The following EI24 variants were observed in gnomAD, a reference collection of about 807,000 sequenced individuals.
EI24 encodes the protein etoposide-induced protein 2.4 homolog.
Under a neutral mutation model 48.6 loss-of-function variants are expected in EI24, and 21 were observed. That is an observed-to-expected ratio of 0.43 (90% CI 0.31 to 0.62). The LOEUF is 0.62. Among genes scored for constraint, EI24 ranks in the 20% least tolerant of loss-of-function variants. The pLI is 0.10. For missense variants in EI24, 280 were observed against 410.5 expected (o/e 0.68, Z 2.75); for synonymous variants, 114 against 145.5 (o/e 0.78, Z 1.56).
intron 10 of EI24, 137 bp downstream of exon 10, chr11:125,582,557 C>T: frequency 4.5e-6 from 3 of 670,698 alleles, no homozygotes; most frequent in Non-Finnish European, 7.2e-6. Flanking sequence ...GAGAGAGAAA[C>T]ACTTCTGGGA....
At chr11:125,577,747 G>A in intron 5 of EI24, 177 bp downstream of exon 5, 1 of 589,174 alleles carries the variant, frequency 1.7e-6, no homozygotes, top group East Asian at 2.9e-5. Flanking sequence ...GGCCCTTTAA[G>A]AATGGGTACT....
Position 125,584,205 on chromosome 11 carries a change from G to GT in EI24, c.*526dup, listed in dbSNP as rs553159904. 1.3e-3 allele frequency: 145 copies of GT among 111,508 alleles called. 1 individual carries two copies. The highest frequency in any genetic ancestry group is 4.9e-3 in the African/African-American group (140 of 28,734). 6.9% of individuals were successfully genotyped at this position (111,508 alleles called of 1,614,324 possible). On this transcript the variant is annotated 3_prime_UTR_variant, in exon 11 of 11. Transcript: ENST00000278903. ...TCTTGTTTCTTGTAACTCAGGTTAG[G>GT]TTTTGGTCTCTCTTGCTCCACTGCA...
At chr11:125,575,526 T>A (rs1938704695) in intron 3 of EI24, 118 bp downstream of exon 3, 1 of 1,200,366 alleles carries the variant, frequency 8.3e-7, no homozygotes, top group African/African-American at 1.5e-5. Flanking sequence ...ATGTTGCAAG[T>A]GATTTCCCCC....
chr11:125,573,666 T>C (rs78075934), intron 2 of EI24: 9,900 of 155,226 alleles, frequency 0.064, 388 homozygotes, highest in Middle Eastern at 0.13. Flanking sequence ...AAAGACTTTA[T>C]GCATATGATC....
At chr11:125,579,950 C>A (rs1016354848) in intron 7 of EI24, 143 bp from the exon 8 acceptor site, 2 of 691,868 alleles carry the variant, frequency 2.9e-6, no homozygotes, top group Non-Finnish European at 5.2e-6. Flanking sequence ...AGGAATGAGT[C>A]ACTGTGCCCA....
intron 2 of EI24, 82 bp downstream of exon 2, chr11:125,572,651 G>A (rs1938575014): frequency 1.5e-6 from 2 of 1,354,000 alleles, no homozygotes; most frequent in South Asian, 2.5e-5. Context: ...ATCCTTTAGG[G>A]TTTTTGGAAC....
At chr11:125,578,393 T>A in intron 6 of EI24, 136 bp downstream of exon 6, 1 of 1,099,550 alleles carries the variant, frequency 9.1e-7, no homozygotes, top group Non-Finnish European at 1.3e-6. Flanking sequence ...AGGTAGCCAG[T>A]AGCTGATCTT....
In EI24 at chr11:125,583,974, A is replaced by C; in HGVS notation, c.*291A>C. 2.8e-6 allele frequency: 1 copy of C among 354,834 alleles called. No homozygotes were observed. Among genetic ancestry groups the C allele is most frequent in the Non-Finnish European group, 5.2e-6 (1 of 191,504 alleles). 22.0% of individuals were successfully genotyped at this position (354,834 alleles called of 1,614,324 possible). A position where few individuals can be genotyped will look rare whatever the true frequency, so the allele number is the denominator to read the frequency against. On this transcript the variant is annotated 3_prime_UTR_variant, in exon 11 of 11. Coordinates refer to ENST00000278903, the MANE Select transcript of EI24 (RefSeq NM_004879.5). ...TCCCTGTGCCTGGACTGATTGGAAC[A>C]CTTTGTTTTTCTCCCTGTGCCATTT... is the stretch of plus-strand genomic sequence containing the variant.
chr11:125,569,931 G>T (rs1938472190), intron 1 of EI24: 1 of 163,502 alleles, frequency 6.1e-6, no homozygotes, highest in Non-Finnish European at 1.3e-5. Flanking sequence ...GAGGCAGCCC[G>T]TGGAGCCCCG....
At chr11:125,574,123 C>T (rs1337774679) in intron 2 of EI24, among the ~76,000 whole-genome samples, 1 of 152,000 alleles carries the variant, frequency 6.6e-6, no homozygotes, top group Non-Finnish European at 1.5e-5. Context: ...GCGTGGTGCA[C>T]ATGCCTATAA....
chr11:125,573,467 G>T (rs1432672880), intron 2 of EI24: 1 of 301,864 alleles, frequency 3.3e-6, no homozygotes, highest in Non-Finnish European at 6.8e-6. Context: ...TTTATGGCCA[G>T]GGGAGGTGGC....
intron 3 of EI24, among the ~76,000 whole-genome samples, 171 bp downstream of exon 3, chr11:125,575,579 T>TA (rs990607879): frequency 8.5e-5 from 13 of 152,178 alleles, no homozygotes; most frequent in African/African-American, 3.1e-4. Flanking sequence ...TAATCCTTGC[T>TA]AAAAATGTCA....
intron 1 of EI24, chr11:125,570,223 T>C (rs7928568): frequency 0.18 from 27,020 of 152,162 alleles, 2,502 homozygotes; most frequent in East Asian, 0.3. Context: ...TGAGGTTCAC[T>C]GTAGCTGCCA....
rs1938745460 is a variant in EI24, at chr11:125,576,301, G to A, written c.235G>A (p.Gly79Ser). 1 of 1,613,736 alleles carries A rather than the reference G, an allele frequency of 6.2e-7. No individual in the cohort carries two copies. The highest frequency in any genetic ancestry group is 8.5e-7 in the Non-Finnish European group (1 of 1,179,818). ...AATTTTCCAGTGTTGTGCTTGGAATGGTGGAGTGTTCTGGGTAAGTTCTTT... is the reference window on the plus strand; with the variant it reads ...AATTTTCCAGTGTTGTGCTTGGAATAGTGGAGTGTTCTGGGTAAGTTCTTT... Reference protein sequence around the residue: ...SRIFQCCAWNGGVFWFSLLLF... With the variant: ...SRIFQCCAWNSGVFWFSLLLF... Residue 79 changes from glycine (G) to serine (S), a missense_variant, in exon 4 of 11, where the codon GGT becomes AGT. Around this residue, in one of 3 missense-constraint regions of EI24, gnomAD observed 204 missense variants for 294.1 expected, o/e 0.69. Transcript: ENST00000278903.
At position 125,584,241 on chromosome 11, in the gene EI24, A is replaced by T. The variant is rs1274254144; in HGVS notation, c.*558A>T. 6.9e-6 allele frequency: 1 copy of T among 143,928 alleles called. No homozygotes were observed. The highest frequency in any genetic ancestry group is 1.5e-5 in the Non-Finnish European group (1 of 65,688). The allele number at this position is 143,928 out of a possible 1,614,324, so 8.9% of individuals were successfully genotyped here. A position where few individuals can be genotyped will look rare whatever the true frequency, so the allele number is the denominator to read the frequency against. ...TCTTGCTCCACTGCAAAAAAAAAAAAAAAAAAAAAAAAAAAAAAAAAGCCT... is the reference window on the plus strand; with the variant it reads ...TCTTGCTCCACTGCAAAAAAAAAAATAAAAAAAAAAAAAAAAAAAAAGCCT... On this transcript the variant is annotated 3_prime_UTR_variant, in exon 11 of 11. Transcript: ENST00000278903.
intron 6 of EI24, among the ~76,000 whole-genome samples, 194 bp from the exon 7 acceptor site, chr11:125,578,755 C>T (rs770211862): frequency 6.6e-6 from 1 of 152,134 alleles, no homozygotes. Flanking sequence ...GCGTGAGCCA[C>T]GGCATAAGGC....
chr11:125,575,046 T>C (rs537436745), intron 2 of EI24, among the ~76,000 whole-genome samples: 1 of 152,012 alleles, frequency 6.6e-6, no homozygotes, highest in South Asian at 2.1e-4. Flanking sequence ...ATCAACATGG[T>C]GAGATCCCCA....
chr11:125,579,710 T>C (rs750328118), intron 7 of EI24, among the ~76,000 whole-genome samples: 2 of 152,142 alleles, frequency 1.3e-5, no homozygotes, highest in African/African-American at 4.8e-5. Flanking sequence ...TTTTGCCACC[T>C]AGGCTGGAGT....
intron 8 of EI24, 56 bp downstream of exon 8, chr11:125,580,260 C>T (rs1029216775): frequency 1.6e-6 from 2 of 1,249,864 alleles, no homozygotes; most frequent in Admixed American, 1.7e-5. Flanking sequence ...AATGCTACTG[C>T]TAAGCAGACT....
Sources: allele counts gnomAD v4.1 joint callset (sites outside exome capture counted in the v4.1 genomes callset), GRCh38; gene constraint gnomAD v4.1.1; regional missense constraint gnomAD v4.1.1; transcripts MANE v1.5; gene names NCBI Gene and HGNC (gene_info 2026-07-23, HGNC 2026-07-21).